Variants in NRG3 observed in about 807,000 individuals in gnomAD.
The protein encoded by NRG3 is pro-neuregulin-3, membrane-bound isoform.
In NRG3, 31 loss-of-function variants were observed where a neutral mutation model predicts 66.9. That is an observed-to-expected ratio of 0.46 (90% CI 0.35 to 0.63). The LOEUF is 0.63. Ranked by LOEUF, NRG3 falls within the 20% of genes least tolerant of loss-of-function variation. The pLI is 0.00. For missense variants in NRG3, 910 were observed against 878.9 expected (o/e 1.04, Z -0.45); for synonymous variants, 393 against 359.4 (o/e 1.09, Z -1.06).
intron 1 of NRG3, among the ~76,000 whole-genome samples, chr10:82,027,697 T>C (rs970960473): frequency 1.3e-5 from 2 of 152,100 alleles, no homozygotes; most frequent in Non-Finnish European, 2.9e-5. Flanking sequence ...AGGTTGAACC[T>C]GAGCTGATGT....
chr10:81,938,495 A>T (rs982151844), intron 1 of NRG3, among the ~76,000 whole-genome samples: 4 of 151,392 alleles, frequency 2.6e-5, no homozygotes, highest in African/African-American at 9.7e-5. Flanking sequence ...TGATATTGTA[A>T]ATGGAATTGT....
intron 1 of NRG3, among the ~76,000 whole-genome samples, chr10:82,046,422 T>A (rs1476557356): frequency 1.8e-5 from 1 of 56,822 alleles, no homozygotes; most frequent in Non-Finnish European, 4.7e-5. Context: ...TGATTTTGTA[T>A]CCTGAGACTT....
At chr10:82,088,605 T>G (rs975342852) in intron 1 of NRG3, among the ~76,000 whole-genome samples, 2 of 152,160 alleles carry the variant, frequency 1.3e-5, no homozygotes, top group Non-Finnish European at 2.9e-5. Context: ...ATGCACAGGC[T>G]GTGACACTAA....
intron 1 of NRG3, among the ~76,000 whole-genome samples, chr10:82,316,155 G>A (rs1201716000): frequency 6.6e-6 from 1 of 151,954 alleles, no homozygotes; most frequent in Non-Finnish European, 1.5e-5. Context: ...CAACCCCCGC[G>A]AAAAGAGTGC....
At chr10:82,826,684 CACTT>C (rs149248633) in intron 3 of NRG3, among the ~76,000 whole-genome samples, 3,476 of 152,226 alleles carry the variant, frequency 0.023, 62 homozygotes, top group Non-Finnish European at 0.034. Context: ...TGCATGTTCT[CACTT>C]ACAAGTGGGA....
intron 2 of NRG3, among the ~76,000 whole-genome samples, chr10:82,551,089 CAAAGT>C (rs1185025688): frequency 3.7e-4 from 56 of 152,104 alleles, no homozygotes; most frequent in Admixed American, 3.5e-3. Context: ...TTAGACAACA[CAAAGT>C]AGAGTATACC....
chr10:82,635,537 G>T lies in NRG3; in HGVS notation c.954-103040G>T, dbSNP rs12264702. On this transcript the variant is annotated intron_variant, in intron 2 of 8. Coordinates refer to ENST00000372141, the MANE Select transcript of NRG3 (RefSeq NM_001010848.4). Reference sequence around the variant, plus strand: ...GGATTCATGGTCTTACTTTTGGAGGGGAAAACGCCCCTTCTTATCTGAGCT... The same window carrying T: ...GGATTCATGGTCTTACTTTTGGAGGTGAAAACGCCCCTTCTTATCTGAGCT... Among the ~76,000 whole-genome samples, 1,010 of 152,062 alleles carry T rather than the reference G, an allele frequency of 6.6e-3. 8 individuals are homozygous for T. Among genetic ancestry groups the T allele is most frequent in the African/African-American group, 0.023 (955 of 41,488 alleles).
chr10:82,486,915 C>T (rs1161645268), intron 2 of NRG3, among the ~76,000 whole-genome samples: 2 of 151,828 alleles, frequency 1.3e-5, no homozygotes, highest in Non-Finnish European at 2.9e-5. Context: ...CTTGCTAGGG[C>T]CTGGGAAGGG....
At chr10:82,395,007 G>A (rs1174915301) in intron 2 of NRG3, among the ~76,000 whole-genome samples, 1 of 152,168 alleles carries the variant, frequency 6.6e-6, no homozygotes, top group Admixed American at 6.5e-5. Flanking sequence ...GTTCAGATGT[G>A]TAACTTGCTT....
At chr10:82,946,480 A>G (rs1435015484) in intron 4 of NRG3, among the ~76,000 whole-genome samples, 1 of 152,004 alleles carries the variant, frequency 6.6e-6, no homozygotes, top group Non-Finnish European at 1.5e-5. Flanking sequence ...GGGATGTTGC[A>G]GTGAGCTGAG....
intron 2 of NRG3, among the ~76,000 whole-genome samples, chr10:82,381,949 A>G (rs1465877304): frequency 1.3e-5 from 2 of 152,088 alleles, no homozygotes; most frequent in South Asian, 4.1e-4. Flanking sequence ...TTTGGTTTAA[A>G]CCATATTTGC....
chr10:82,107,877 G>A (rs1283372111), intron 1 of NRG3, among the ~76,000 whole-genome samples: 1 of 152,184 alleles, frequency 6.6e-6, no homozygotes, highest in African/African-American at 2.4e-5. Context: ...CCCCTAAACT[G>A]TGGAAATATC....
chr10:82,455,739 C>T (rs924950053), intron 2 of NRG3, among the ~76,000 whole-genome samples: 29 of 151,882 alleles, frequency 1.9e-4, no homozygotes, highest in African/African-American at 3.6e-4. Context: ...CTCAGCCTCC[C>T]GAGTAGCTGG....
At chr10:81,972,949 C>T (rs917759190) in intron 1 of NRG3, among the ~76,000 whole-genome samples, 34 of 152,018 alleles carry the variant, frequency 2.2e-4, no homozygotes, top group African/African-American at 8.0e-4. Context: ...TTCAGAGGTA[C>T]AATTGCAGGT....
At chr10:82,413,067 T>A (rs895041252) in intron 2 of NRG3, among the ~76,000 whole-genome samples, 1 of 152,170 alleles carries the variant, frequency 6.6e-6, no homozygotes, top group Non-Finnish European at 1.5e-5. Flanking sequence ...TTATTGTTGA[T>A]ATTTTGACTA....
At chr10:82,320,534 G>A (rs1252166074) in intron 1 of NRG3, among the ~76,000 whole-genome samples, 1 of 152,072 alleles carries the variant, frequency 6.6e-6, no homozygotes, top group Non-Finnish European at 1.5e-5. Context: ...TGAAGGCATT[G>A]GACTTAATAA....
intron 3 of NRG3, among the ~76,000 whole-genome samples, chr10:82,864,815 TGCCC>T (rs1840545647): frequency 6.6e-6 from 1 of 152,148 alleles, no homozygotes; most frequent in Admixed American, 6.5e-5. Context: ...ACCAAATTGG[TGCCC>T]TGGAAGTGTC....
chr10:82,824,368 C>A (rs983866044), intron 3 of NRG3, among the ~76,000 whole-genome samples: 1 of 152,064 alleles, frequency 6.6e-6, no homozygotes, highest in Admixed American at 6.6e-5. Context: ...GTTTTTAATT[C>A]TCTTCTCTAT....
chr10:82,611,087 C>T (rs2048285426), intron 2 of NRG3, among the ~76,000 whole-genome samples: 2 of 151,780 alleles, frequency 1.3e-5, no homozygotes, highest in African/African-American at 2.4e-5. Flanking sequence ...ACAGAAACAC[C>T]TATTTTACTC....
Sources: allele counts gnomAD v4.1 joint callset (sites outside exome capture counted in the v4.1 genomes callset), GRCh38; gene constraint gnomAD v4.1.1; transcripts MANE v1.5; gene names NCBI Gene and HGNC (gene_info 2026-07-23, HGNC 2026-07-21).